Variants in CA10 observed in about 807,000 individuals in gnomAD.
The protein encoded by CA10 is carbonic anhydrase 10 (inactive).
Under a neutral mutation model 44.2 loss-of-function variants are expected in CA10, and 14 were observed. That is an observed-to-expected ratio of 0.32 (90% CI 0.21 to 0.50). CA10 has a LOEUF of 0.50. Among genes scored for constraint, CA10 ranks in the 20% least tolerant of loss-of-function variants. The pLI, the probability that CA10 is intolerant of heterozygous loss-of-function variation, is 0.99. For missense variants in CA10, 350 were observed against 409.7 expected (o/e 0.85, Z 1.26); for synonymous variants, 159 against 141.6 (o/e 1.12, Z -0.87).
At chr17:51,814,773 C>A (rs145519600) in intron 3 of CA10, among the ~76,000 whole-genome samples, 2,032 of 152,246 alleles carry the variant, frequency 0.013, 58 homozygotes, top group African/African-American at 0.047. Context: ...AATTTAACAA[C>A]CTTTTTTGTT....
At chr17:51,709,043 A>C (rs958130731) in intron 4 of CA10, among the ~76,000 whole-genome samples, 1 of 152,220 alleles carries the variant, frequency 6.6e-6, no homozygotes, top group Admixed American at 6.5e-5. Context: ...ACTCTCCTTC[A>C]TATATACACC....
chr17:52,098,316 A>C (rs1770268320), intron 1 of CA10, among the ~76,000 whole-genome samples: 1 of 152,160 alleles, frequency 6.6e-6, no homozygotes, highest in Non-Finnish European at 1.5e-5. Flanking sequence ...TTTTGAAAAA[A>C]TTGTGGATAT....
chr17:51,955,790 A>T (rs1338507149), intron 2 of CA10, among the ~76,000 whole-genome samples: 3 of 151,994 alleles, frequency 2.0e-5, no homozygotes, highest in African/African-American at 7.3e-5. Context: ...GAACACATGG[A>T]CAGAGGGAGG....
chr17:52,020,561 G>A (rs1164356456), intron 2 of CA10, among the ~76,000 whole-genome samples: 1 of 151,720 alleles, frequency 6.6e-6, no homozygotes, highest in African/African-American at 2.4e-5. Context: ...TACACTGAAA[G>A]GATAATTTTA....
chr17:51,893,502 A>G (rs192088521), intron 3 of CA10, among the ~76,000 whole-genome samples: 206 of 152,112 alleles, frequency 1.4e-3, no homozygotes, highest in Admixed American at 9.8e-4. Flanking sequence ...ACTACCAAAG[A>G]GAGTCTGGTT....
intron 3 of CA10, among the ~76,000 whole-genome samples, chr17:51,755,567 A>G (rs1009393792): frequency 6.6e-6 from 1 of 152,232 alleles, no homozygotes; most frequent in Non-Finnish European, 1.5e-5. Context: ...AAATGGAAAT[A>G]TAACACTAAA....
intron 3 of CA10, among the ~76,000 whole-genome samples, chr17:51,880,343 G>A (rs1980307888): frequency 6.6e-6 from 1 of 151,852 alleles, no homozygotes; most frequent in Non-Finnish European, 1.5e-5. Context: ...GTCTTGCTCT[G>A]TCACCCAGGC....
chr17:51,899,156 C>T (rs1018500296), intron 3 of CA10, among the ~76,000 whole-genome samples: 13 of 151,882 alleles, frequency 8.6e-5, no homozygotes, highest in African/African-American at 3.1e-4. Flanking sequence ...TGAGACCTTT[C>T]TAAAGTTTTG....
intron 3 of CA10, among the ~76,000 whole-genome samples, chr17:51,896,208 C>T (rs1598105492): frequency 6.6e-6 from 1 of 151,828 alleles, no homozygotes; most frequent in East Asian, 1.9e-4. Flanking sequence ...AGCATAGTAC[C>T]CGGCAGGTAG....
intron 3 of CA10, among the ~76,000 whole-genome samples, chr17:51,805,729 A>G (rs967203635): frequency 1.3e-5 from 2 of 152,162 alleles, no homozygotes; most frequent in Non-Finnish European, 2.9e-5. Flanking sequence ...GAACATTTCC[A>G]TCACCCAAAA....
chr17:51,691,484 T>C (rs1915190678), intron 4 of CA10, among the ~76,000 whole-genome samples: 1 of 152,190 alleles, frequency 6.6e-6, no homozygotes, highest in South Asian at 2.1e-4. Flanking sequence ...TTATCAGGTG[T>C]ATGCTTTACA....
chr17:52,096,678 T>G (rs1399779101), intron 1 of CA10, among the ~76,000 whole-genome samples: 1 of 152,216 alleles, frequency 6.6e-6, no homozygotes, highest in African/African-American at 2.4e-5. Context: ...GATTTATTTC[T>G]TGAAAAAAAT....
chr17:51,997,026 T>G (rs385939), intron 2 of CA10, among the ~76,000 whole-genome samples: 101,689 of 151,452 alleles, frequency 0.67, 35,357 homozygotes, highest in African/African-American at 0.83. Flanking sequence ...AGGTGACAGA[T>G]ATTAGATTGT....
At chr17:51,686,608 G>A (rs1222788450) in intron 4 of CA10, among the ~76,000 whole-genome samples, 1 of 152,094 alleles carries the variant, frequency 6.6e-6, no homozygotes, top group East Asian at 1.9e-4. Flanking sequence ...CTCTAGGAGT[G>A]GGCCCAGGCA....
intron 2 of CA10, among the ~76,000 whole-genome samples, chr17:52,036,829 T>G (rs1472363527): frequency 6.6e-6 from 1 of 152,230 alleles, no homozygotes; most frequent in African/African-American, 2.4e-5. Context: ...GGGCAATTGT[T>G]ATTTGTGTTA....
At chr17:51,894,526 A>T (rs560932060) in intron 3 of CA10, among the ~76,000 whole-genome samples, 13 of 152,194 alleles carry the variant, frequency 8.5e-5, no homozygotes, top group African/African-American at 3.1e-4. Context: ...TTAAGAATTT[A>T]TACCCATTGT....
intron 1 of CA10, among the ~76,000 whole-genome samples, chr17:52,118,386 C>T (rs1472568661): frequency 6.6e-6 from 1 of 152,120 alleles, no homozygotes; most frequent in Non-Finnish European, 1.5e-5. Flanking sequence ...TTTTAAAATT[C>T]CTAAGTCATC....
chr17:51,903,416 A>G (rs1390768287), intron 3 of CA10, among the ~76,000 whole-genome samples: 1 of 152,142 alleles, frequency 6.6e-6, no homozygotes, highest in African/African-American at 2.4e-5. Context: ...CCCTGCATAT[A>G]GTAGATGGTA....
intron 3 of CA10, among the ~76,000 whole-genome samples, chr17:51,805,416 G>A (rs1486642037): frequency 6.6e-6 from 1 of 152,178 alleles, no homozygotes; most frequent in Admixed American, 6.5e-5. Context: ...TTACAGTGCT[G>A]TGAAGGCAAT....
Sources: allele counts gnomAD v4.1 joint callset (sites outside exome capture counted in the v4.1 genomes callset), GRCh38; gene constraint gnomAD v4.1.1; transcripts MANE v1.5; gene names NCBI Gene and HGNC (gene_info 2026-07-23, HGNC 2026-07-21).